KIF5B: variants seen among roughly 807,000 people sequenced by gnomAD.
KIF5B encodes the protein kinesin-1 heavy chain.
A neutral mutation model predicts 132.8 loss-of-function variants in KIF5B; 49 were observed. The ratio of observed to expected loss-of-function variants is 0.37; its 90% confidence interval spans 0.29 to 0.47. The LOEUF (loss-of-function observed/expected upper bound fraction) is 0.47. Ranked by LOEUF, KIF5B falls within the 20% of genes least tolerant of loss-of-function variation. The pLI is 1.00. For missense variants in KIF5B, 780 were observed against 1,144.0 expected, an observed-to-expected ratio of 0.68 and a Z score of 4.59; for synonymous variants, 355 against 369.4, an observed-to-expected ratio of 0.96 and a Z score of 0.45.
rs777049052 is a variant in KIF5B, at chr10:32,055,913, A to C, written c.61T>G (p.Ser21Ala). ...VMCRFRPLNE[S>A]EVNRGDKYIA... ...TACTTGTCGCCGCGGTTCACTTCAG[A>C]CTCGTTGAGAGGTCTGAAGCGACAC... The change falls in exon 1 of 26, where the codon TCT (serine) becomes GCT (alanine). Residue 21 changes from serine to alanine, a missense_variant. Coordinates refer to ENST00000302418, the MANE Select transcript of KIF5B (RefSeq NM_004521.3). 1.2e-6 allele frequency: 2 copies of C among 1,612,254 alleles called. No homozygotes were observed. The highest frequency in any genetic ancestry group is 3.3e-5 in the Admixed American group (2 of 60,002).
chr10:32,030,895 C>T (rs538746711), intron 14 of KIF5B, among the ~76,000 whole-genome samples, 178 bp downstream of exon 14: 1 of 152,104 alleles, frequency 6.6e-6, no homozygotes, highest in Non-Finnish European at 1.5e-5. Flanking sequence ...ACTAAAATAA[C>T]TGTCTTCCTC....
chr10:32,029,715 T>C (rs1215032962), intron 14 of KIF5B, among the ~76,000 whole-genome samples: 2 of 152,244 alleles, frequency 1.3e-5, no homozygotes, highest in African/African-American at 4.8e-5. Context: ...TGCTGATAGA[T>C]TTCAGCTCCA....
chr10:32,054,471 C>T (rs992007291), intron 1 of KIF5B, among the ~76,000 whole-genome samples: 2 of 152,166 alleles, frequency 1.3e-5, no homozygotes, highest in Non-Finnish European at 2.9e-5. Flanking sequence ...TAAGACAATT[C>T]ATTTTTTGGA....
intron 15 of KIF5B, among the ~76,000 whole-genome samples, chr10:32,027,009 C>T (rs1348200066): frequency 6.6e-6 from 1 of 151,676 alleles, no homozygotes; most frequent in East Asian, 1.9e-4. Flanking sequence ...TTGATTTTAT[C>T]TTTTATTCTT....
chr10:32,032,844 A>G (rs754389252), intron 12 of KIF5B, 70 bp from the exon 13 acceptor site: 1 of 1,071,800 alleles, frequency 9.3e-7, no homozygotes, highest in Non-Finnish European at 1.5e-6. Flanking sequence ...AATACAGGTT[A>G]TAAGATTACT....
chr10:32,037,347 A>C lies in KIF5B; in HGVS notation c.618T>G (p.Ser206Arg). 1 of 1,612,944 alleles carries C rather than the reference A, an allele frequency of 6.2e-7. No homozygotes were observed. Residue 206 changes from serine (S) to arginine (R), a missense_variant, in exon 8 of 26, where the codon AGT (serine) becomes AGG (arginine). Physicochemically the swap from Ser to Arg is moderately radical, Grantham distance 110. This residue lies in a region of KIF5B where 76 missense variants were observed against 146.4 expected (regional missense o/e 0.52). Transcript: ENST00000302418. ...NMNEHSSRSH[S>R]IFLINVKQEN... is the part of the protein sequence containing the mutation. The stretch of plus-strand genomic sequence containing the variant: ...CTTGTTTGACATTAATAAGAAATAT[A>C]CTGTGACTCCTAGAGCTATGTTCAT...
In KIF5B at chr10:32,033,980, G is replaced by A; in HGVS notation, c.1170C>T (p.Phe390=). 6.2e-7 allele frequency: 1 copy of A among 1,605,632 alleles called. No individual in the cohort carries two copies. Among genetic ancestry groups the A allele is most frequent in the Non-Finnish European group, 8.5e-7 (1 of 1,176,214 alleles). The change falls in exon 12 of 26, where the codon TTC becomes TTT. Residue 390 remains phenylalanine (F), a synonymous_variant. Transcript: ENST00000302418. ...TAAGAGTAATATCTTTATCCACTGT[G>A]AAAGCTTCCAAGTTGGCTTTCTCTT... The part of the protein sequence containing the change: ...FDKEKANLEA[F]TVDKDITLTN...
At chr10:32,017,476 TTATC>T (rs1228259795) in intron 23 of KIF5B, 117 bp from the exon 24 acceptor site, 8 of 772,890 alleles carry the variant, frequency 1.0e-5, no homozygotes, top group Non-Finnish European at 1.7e-5. Flanking sequence ...TGTTTCCCAT[TTATC>T]TAATTTAGGC....
chr10:32,056,094 C>A lies in KIF5B; in HGVS notation c.-121G>T. On this transcript the variant is annotated 5_prime_UTR_variant, in exon 1 of 26. Coordinates refer to ENST00000302418, the MANE Select transcript of KIF5B (RefSeq NM_004521.3). ...CGTGAGAGGCAGCAGTCAGCTGCGC[C>A]GCGCTGCGCTTCCCCGGGTGGAGGC... 3.1e-6 allele frequency: 4 copies of A among 1,272,536 alleles called. No homozygotes were observed. The highest frequency in any genetic ancestry group is 1.4e-5 in the South Asian group (1 of 71,632). 78.8% of individuals were successfully genotyped at this position (1,272,536 alleles called of 1,614,324 possible). A position where few individuals can be genotyped will look rare whatever the true frequency, so the allele number is the denominator to read the frequency against.
At chr10:32,027,436 A>G (rs1217721471) in intron 15 of KIF5B, among the ~76,000 whole-genome samples, 1 of 152,086 alleles carries the variant, frequency 6.6e-6, no homozygotes, top group African/African-American at 2.4e-5. Flanking sequence ...ATATGGACAT[A>G]TTTTGAAAAC....
rs543642156 is a variant in KIF5B at position 32,011,240 on chromosome 10, T to G, written c.*297A>C. The G allele has an allele frequency of 6.6e-6, 1 of 152,662 alleles. No homozygotes were observed. Among genetic ancestry groups the G allele is most frequent in the Non-Finnish European group, 1.5e-5 (1 of 67,984 alleles). 9.5% of individuals were successfully genotyped at this position (152,662 alleles called of 1,614,324 possible). On this transcript the variant is annotated 3_prime_UTR_variant, in exon 26 of 26. Coordinates refer to ENST00000302418, the MANE Select transcript of KIF5B (RefSeq NM_004521.3). ...ACAGTTAGCTTGGCACAGTAAAGACTAAATTTAAGACACGATAGACAAACT... is the reference window on the plus strand; with the variant it reads ...ACAGTTAGCTTGGCACAGTAAAGACGAAATTTAAGACACGATAGACAAACT...
In KIF5B at chr10:32,031,382, A is replaced by G. The variant is rs1400758357; in HGVS notation, c.1375-103T>C. Reference sequence around the variant, plus strand: ...CAAGAACAAATGGAGTGAAATATGGATGGTATTCAGTGTGGCAACATTTAT... The same window carrying G: ...CAAGAACAAATGGAGTGAAATATGGGTGGTATTCAGTGTGGCAACATTTAT... On this transcript the variant is annotated intron_variant, in intron 13 of 25. Transcript: ENST00000302418. 4 of 829,452 alleles carry G rather than the reference A, an allele frequency of 4.8e-6. No homozygotes were observed. The East Asian group carries it at 1.1e-4, about 22-fold the overall frequency. The allele number at this position is 829,452 out of a possible 1,614,324, so 51.4% of individuals were successfully genotyped here.
chr10:32,023,146 T>G (rs1841287706), intron 15 of KIF5B, 110 bp from the exon 16 acceptor site: 2 of 508,906 alleles, frequency 3.9e-6, no homozygotes, highest in South Asian at 1.2e-4. Flanking sequence ...TTACTCAATA[T>G]TCATACAAAG....
At chr10:32,042,212 C>A (rs914791811) in intron 2 of KIF5B, among the ~76,000 whole-genome samples, 45 of 151,728 alleles carry the variant, frequency 3.0e-4, no homozygotes, top group Non-Finnish European at 4.6e-4. Context: ...GAAAAAAAAA[C>A]CCCAACATGG....
intron 15 of KIF5B, 136 bp downstream of exon 15, chr10:32,028,292 G>T: frequency 1.5e-6 from 1 of 654,276 alleles, no homozygotes. Context: ...TTAAAATGCG[G>T]TTAATAACAT....
At chr10:32,025,635 C>T (rs186369787) in intron 15 of KIF5B, among the ~76,000 whole-genome samples, 1,979 of 152,164 alleles carry the variant, frequency 0.013, 37 homozygotes, top group African/African-American at 0.044. Flanking sequence ...CTCGGCCTCC[C>T]GAAGTGCTGG....
intron 15 of KIF5B, among the ~76,000 whole-genome samples, chr10:32,027,495 G>T (rs1841348667): frequency 6.6e-6 from 1 of 151,608 alleles, no homozygotes; most frequent in Non-Finnish European, 1.5e-5. Flanking sequence ...TTATATGTTT[G>T]AAATTTTTCA....
At chr10:32,026,988 CTTTTA>C (rs1249203807) in intron 15 of KIF5B, among the ~76,000 whole-genome samples, 1 of 152,054 alleles carries the variant, frequency 6.6e-6, no homozygotes, top group Non-Finnish European at 1.5e-5. Context: ...CAAACAGTAA[CTTTTA>C]TTTTGTTGAT....
chr10:32,024,845 G>A (rs1841313933), intron 15 of KIF5B, among the ~76,000 whole-genome samples: 1 of 151,984 alleles, frequency 6.6e-6, no homozygotes, highest in Non-Finnish European at 1.5e-5. Context: ...GGGAGGCTGA[G>A]GCAGGCGGAC....
Sources: allele counts gnomAD v4.1 joint callset (sites outside exome capture counted in the v4.1 genomes callset), GRCh38; gene constraint gnomAD v4.1.1; regional missense constraint gnomAD v4.1.1; transcripts MANE v1.5; gene names NCBI Gene and HGNC (gene_info 2026-07-23, HGNC 2026-07-21).